Variants in LRBA observed in about 807,000 individuals in gnomAD.
The protein encoded by LRBA is LPS responsive beige-like anchor protein, also known as lipopolysaccharide-responsive and beige-like anchor protein.
A neutral mutation model predicts 330.0 loss-of-function variants in LRBA; 176 were observed. The observed-to-expected ratio is 0.53, with a 90% CI of 0.47 to 0.60. The LOEUF is 0.60. Among genes scored for constraint, LRBA ranks in the 20% least tolerant of loss-of-function variants. LRBA has a pLI of 0.00. For synonymous variants in LRBA, 1,230 were observed against 1,193.0 expected, an observed-to-expected ratio of 1.03 and a Z score of -0.64; for missense variants, 3,259 against 3,444.8, an observed-to-expected ratio of 0.95 and a Z score of 1.35.
At chr4:150,923,068 G>T (rs1177935805) in intron 4 of LRBA, among the ~76,000 whole-genome samples, 2 of 151,224 alleles carry the variant, frequency 1.3e-5, no homozygotes, top group African/African-American at 4.9e-5. Context: ...AATGTAAATC[G>T]AAAGTATGTT....
intron 17 of LRBA, among the ~76,000 whole-genome samples, chr4:150,877,783 T>A (rs886610881): frequency 1.3e-5 from 2 of 152,172 alleles, no homozygotes; most frequent in African/African-American, 4.8e-5. Context: ...TGCTTCGCCA[T>A]AAAGAAAGTC....
In LRBA at chr4:150,415,532, T is replaced by G. The variant is rs779633528; in HGVS notation, c.7100A>C (p.Asn2367Thr). ...TGTCCCATCATCCATCACTCCAAGA[T>G]TATAATTATTGAAGTTGACAAACAT... is the stretch of plus-strand genomic sequence containing the variant. ...PEMFVNFNNY[N>T]LGVMDDGTVV... is the part of the protein sequence containing the mutation. The change falls in exon 47 of 57, where the codon AAT (asparagine) becomes ACT (threonine). Residue 2367 changes from asparagine (N) to threonine (T), a missense_variant. Physicochemically the swap from Asn to Thr is moderately conservative, Grantham distance 65. Coordinates refer to ENST00000651943, the MANE Select transcript of LRBA (RefSeq NM_001364905.1). 25 of 1,602,330 alleles carry G rather than the reference T, an allele frequency of 1.6e-5. No homozygotes were observed. In the South Asian group the frequency reaches 2.3e-4, roughly 15 times the overall value.
intron 40 of LRBA, among the ~76,000 whole-genome samples, chr4:150,563,501 T>A (rs1321833078): frequency 1.3e-5 from 2 of 152,038 alleles, no homozygotes; most frequent in Admixed American, 6.6e-5. Context: ...TCTCACCACT[T>A]CTATTCGACA....
intron 14 of LRBA, among the ~76,000 whole-genome samples, chr4:150,898,988 A>T (rs1463769164): frequency 6.6e-6 from 1 of 152,210 alleles, no homozygotes; most frequent in Non-Finnish European, 1.5e-5. Context: ...CTAAACAACC[A>T]AAGCCTCTTA....
At chr4:150,329,342 T>G (rs960793697) in intron 48 of LRBA, among the ~76,000 whole-genome samples, 1 of 152,208 alleles carries the variant, frequency 6.6e-6, no homozygotes, top group African/African-American at 2.4e-5. Flanking sequence ...AACTTTATAG[T>G]CACACTGTAT....
chr4:150,380,724 C>T (rs892196947), intron 47 of LRBA, among the ~76,000 whole-genome samples: 1 of 151,238 alleles, frequency 6.6e-6, no homozygotes, highest in African/African-American at 2.4e-5. Flanking sequence ...ACCTGTAATC[C>T]CAGCACTTTA....
intron 46 of LRBA, among the ~76,000 whole-genome samples, chr4:150,435,174 A>G (rs1581301746): frequency 6.6e-6 from 1 of 151,776 alleles, no homozygotes; most frequent in African/African-American, 2.4e-5. Context: ...GTGAAACCCC[A>G]TCTCTACTAA....
In LRBA at chr4:150,943,411, T is replaced by C. The variant is rs1049643692; in HGVS notation, c.217-14346A>G. The stretch of plus-strand genomic sequence containing the variant: ...TCTGTTTGAACAAGAGATTTTTTCA[T>C]AAATAGCATTCTTCAACAGCTTTTT... On this transcript the variant is annotated intron_variant, in intron 2 of 56. Coordinates refer to ENST00000651943, the MANE Select transcript of LRBA (RefSeq NM_001364905.1). Among the ~76,000 whole-genome samples, 4 of 152,186 alleles carry C rather than the reference T, an allele frequency of 2.6e-5. No individual in the cohort carries two copies. The East Asian group carries it at 5.8e-4, about 22-fold the overall frequency.
intron 38 of LRBA, among the ~76,000 whole-genome samples, chr4:150,597,760 C>T (rs187947873): frequency 8.6e-5 from 13 of 152,022 alleles, no homozygotes; most frequent in Admixed American, 2.0e-4. Context: ...TCTGTTATCA[C>T]CACCTAAAAA....
At chr4:150,495,359 T>C (rs1447170374) in intron 40 of LRBA, among the ~76,000 whole-genome samples, 1 of 152,312 alleles carries the variant, frequency 6.6e-6, no homozygotes, top group African/African-American at 2.4e-5. Context: ...TGACAAAGTC[T>C]AATGAAGTTT....
chr4:150,420,293 A>ACATTATAGTATAAAGTATATATAATG (rs1748466103), intron 46 of LRBA, among the ~76,000 whole-genome samples: 3 of 113,012 alleles, frequency 2.7e-5, no homozygotes, highest in Admixed American at 2.0e-4. Flanking sequence ...TATATATAAT[A>ACATTATAGTATAAAGTATATATAATG]CACATTATAG....
intron 47 of LRBA, among the ~76,000 whole-genome samples, chr4:150,414,450 TAG>T (rs1284787944): frequency 6.6e-6 from 1 of 152,182 alleles, no homozygotes; most frequent in South Asian, 2.1e-4. Flanking sequence ...ACTTTTAATG[TAG>T]AGTGTGGTAA....
intron 40 of LRBA, among the ~76,000 whole-genome samples, chr4:150,536,566 AGTGT>A (rs1264054881): frequency 6.6e-6 from 1 of 152,178 alleles, no homozygotes; most frequent in East Asian, 1.9e-4. Flanking sequence ...GCAAAAAGTT[AGTGT>A]GTTGTACAAT....
chr4:150,320,702 G>A (rs1732380356), intron 50 of LRBA, among the ~76,000 whole-genome samples: 1 of 152,146 alleles, frequency 6.6e-6, no homozygotes, highest in Non-Finnish European at 1.5e-5. Context: ...AGCTAATCAG[G>A]AGGCTGAGGC....
At chr4:150,452,620 T>G (rs939235248) in intron 44 of LRBA, among the ~76,000 whole-genome samples, 2 of 117,292 alleles carry the variant, frequency 1.7e-5, no homozygotes, top group African/African-American at 3.1e-5. Flanking sequence ...CGACTCCATC[T>G]CAAAGGAAAA....
At chr4:150,603,634 C>G (rs1403493262) in intron 37 of LRBA, among the ~76,000 whole-genome samples, 1 of 152,002 alleles carries the variant, frequency 6.6e-6, no homozygotes, top group African/African-American at 2.4e-5. Flanking sequence ...ACTGAGACAT[C>G]CTCCCCAGTA....
At chr4:150,860,799 G>A (rs1185789352) in intron 22 of LRBA, among the ~76,000 whole-genome samples, 1 of 151,788 alleles carries the variant, frequency 6.6e-6, no homozygotes, top group African/African-American at 2.4e-5. Context: ...CAGGGCGACA[G>A]AGCGAGACTC....
At chr4:150,660,931 C>A (rs1368545037) in intron 37 of LRBA, among the ~76,000 whole-genome samples, 7 of 115,920 alleles carry the variant, frequency 6.0e-5, no homozygotes, top group African/African-American at 2.5e-4. Context: ...ACAAACACTG[C>A]GGAAGGCCGC....
intron 2 of LRBA, among the ~76,000 whole-genome samples, chr4:151,011,751 T>C (rs1744872759): frequency 6.6e-6 from 1 of 152,096 alleles, no homozygotes; most frequent in Admixed American, 6.6e-5. Context: ...TGTAGCTCAC[T>C]GTAGCCTCGA....
Sources: gnomAD v4.1 joint callset for allele counts (sites outside exome capture counted in the v4.1 genomes callset) on GRCh38, gnomAD v4.1.1 for gene constraint, MANE v1.5 for transcripts, NCBI Gene and HGNC (gene_info 2026-07-23, HGNC 2026-07-21) for gene names.